GLIS3: variants seen among roughly 807,000 people sequenced by gnomAD.
The protein encoded by GLIS3 is zinc finger protein GLIS3.
GLIS3 carries 53 observed loss-of-function variants against 78.6 expected under a neutral mutation model. That is an observed-to-expected ratio of 0.67 (90% CI 0.54 to 0.85). The LOEUF (loss-of-function observed/expected upper bound fraction) is 0.85, where lower values mean the gene tolerates loss of function less well. GLIS3 is among the 40% of genes least tolerant of loss of function. The pLI is 0.00. For missense variants in GLIS3, 1,703 were observed against 1,231.1 expected, an observed-to-expected ratio of 1.38 and a Z score of -5.74; for synonymous variants, 684 against 509.9, an observed-to-expected ratio of 1.34 and a Z score of -4.60.
chr9:4,407,452 T>A, the GLIS3 span, among the ~76,000 whole-genome samples: 1 of 152,196 alleles, frequency 6.6e-6, no homozygotes, highest in Non-Finnish European at 1.5e-5. Flanking sequence ...GAGACCATCC[T>A]GGCTAACACT....
At chr9:4,178,936 G>C (rs781327139) in intron 2 of GLIS3, among the ~76,000 whole-genome samples, 3 of 152,160 alleles carry the variant, frequency 2.0e-5, no homozygotes, top group Non-Finnish European at 4.4e-5. Flanking sequence ...TTATTTTACA[G>C]TTTCTACTAA....
intron 2 of GLIS3, among the ~76,000 whole-genome samples, chr9:4,224,408 G>T (rs1053435514): frequency 4.6e-5 from 7 of 152,196 alleles, no homozygotes; most frequent in Non-Finnish European, 7.3e-5. Context: ...TTACCATTGA[G>T]ATGTTCTGTG....
At chr9:4,304,719 G>C (rs919251268), upstream of GLIS3, among the ~76,000 whole-genome samples, 1 of 152,182 alleles carries the variant, frequency 6.6e-6, no homozygotes, top group African/African-American at 2.4e-5. Flanking sequence ...GCAGAATTAA[G>C]CTCTGGAACA....
chr9:4,379,080 C>T, the GLIS3 span, among the ~76,000 whole-genome samples: 35 of 152,290 alleles, frequency 2.3e-4, no homozygotes, highest in African/African-American at 6.7e-4. Flanking sequence ...TGCAGCCTCT[C>T]GGCCGTGTCG....
chr9:4,483,942 C>G, the GLIS3 span, among the ~76,000 whole-genome samples: 1 of 152,122 alleles, frequency 6.6e-6, no homozygotes, highest in South Asian at 2.1e-4. Flanking sequence ...TAATCCTCAC[C>G]TCACTGAGAT....
At chr9:4,362,732 G>C in the GLIS3 span, among the ~76,000 whole-genome samples, 1 of 152,170 alleles carries the variant, frequency 6.6e-6, no homozygotes, top group Non-Finnish European at 1.5e-5. Flanking sequence ...AAAGCACAAA[G>C]GAACTAGGGG....
intron 9 of GLIS3, among the ~76,000 whole-genome samples, chr9:3,834,973 C>T (rs561576066): frequency 1.3e-5 from 2 of 152,100 alleles, no homozygotes; most frequent in Non-Finnish European, 2.9e-5. Flanking sequence ...GGCGATGTGC[C>T]CTTGTGGGTC....
chr9:4,314,940 T>A (rs1231043138), intron 2 of GLIS3, among the ~76,000 whole-genome samples: 1 of 152,212 alleles, frequency 6.6e-6, no homozygotes, highest in Non-Finnish European at 1.5e-5. Context: ...GATTCAGAGC[T>A]GCTGAGGGTG....
intron 2 of GLIS3, among the ~76,000 whole-genome samples, chr9:4,256,576 A>G (rs1347659453): frequency 2.6e-5 from 4 of 152,190 alleles, no homozygotes; most frequent in South Asian, 2.1e-4. Context: ...TTGGCAACAT[A>G]TATTAAACAT....
At chr9:4,161,890 T>C (rs555324960) in intron 2 of GLIS3, among the ~76,000 whole-genome samples, 6 of 151,966 alleles carry the variant, frequency 3.9e-5, no homozygotes, top group Non-Finnish European at 5.9e-5. Flanking sequence ...TTCACCATGT[T>C]GGTCAGGCTG....
At chr9:4,200,547 G>C (rs1193497665) in intron 2 of GLIS3, among the ~76,000 whole-genome samples, 2 of 152,074 alleles carry the variant, frequency 1.3e-5, no homozygotes, top group Admixed American at 6.5e-5. Context: ...ACACGAACTA[G>C]AAAGTCTGAA....
At chr9:4,195,196 C>G (rs1301588379) in intron 2 of GLIS3, among the ~76,000 whole-genome samples, 1 of 152,260 alleles carries the variant, frequency 6.6e-6, no homozygotes, top group African/African-American at 2.4e-5. Context: ...TCTGCTCTGG[C>G]CACGCTTGAG....
At chr9:4,403,857 G>T in the GLIS3 span, among the ~76,000 whole-genome samples, 8 of 152,056 alleles carry the variant, frequency 5.3e-5, 1 homozygote, top group Admixed American at 4.6e-4. Flanking sequence ...ACAATGGCAG[G>T]AGTAAGTCCC....
intron 4 of GLIS3, among the ~76,000 whole-genome samples, chr9:4,011,852 T>C (rs999993453): frequency 1.3e-5 from 2 of 152,138 alleles, no homozygotes; most frequent in African/African-American, 4.8e-5. Flanking sequence ...TTTTTTATTG[T>C]TTTGACATAC....
At chr9:4,467,073 G>A in the GLIS3 span, among the ~76,000 whole-genome samples, 8 of 152,208 alleles carry the variant, frequency 5.3e-5, no homozygotes, top group East Asian at 1.9e-4. Flanking sequence ...AGGTGGCAGC[G>A]AGGCTGGGGG....
At chr9:4,178,519 G>A (rs1816999289) in intron 2 of GLIS3, among the ~76,000 whole-genome samples, 1 of 152,214 alleles carries the variant, frequency 6.6e-6, no homozygotes, top group African/African-American at 2.4e-5. Flanking sequence ...AATACAAATA[G>A]TTACAGAGCT....
At chr9:4,431,597 C>A in the GLIS3 span, among the ~76,000 whole-genome samples, 1 of 152,170 alleles carries the variant, frequency 6.6e-6, no homozygotes, top group African/African-American at 2.4e-5. Flanking sequence ...GTAATCCCAG[C>A]ACTTTGGGAG....
intron 1 of GLIS3, among the ~76,000 whole-genome samples, chr9:4,294,098 A>ATC (rs1816261818): frequency 6.6e-6 from 1 of 152,092 alleles, no homozygotes; most frequent in Non-Finnish European, 1.5e-5. Flanking sequence ...GATCCTACTT[A>ATC]TCCTCTAAGC....
upstream of GLIS3, among the ~76,000 whole-genome samples, chr9:4,303,673 C>A (rs1817152527): frequency 6.6e-6 from 1 of 152,184 alleles, no homozygotes; most frequent in South Asian, 2.1e-4. Flanking sequence ...ACCAAAATTT[C>A]AAATATTTCA....
Sources: allele counts gnomAD v4.1 joint callset (sites outside exome capture counted in the v4.1 genomes callset), GRCh38; gene constraint gnomAD v4.1.1; transcripts MANE v1.5; gene names NCBI Gene and HGNC (gene_info 2026-07-23, HGNC 2026-07-21).